Variants in KLHL29 observed in about 807,000 individuals in gnomAD.
The protein encoded by KLHL29 is kelch-like protein 29.
In KLHL29, 21 loss-of-function variants were observed where a neutral mutation model predicts 80.4. That is an observed-to-expected ratio of 0.26 (90% CI 0.19 to 0.38). The LOEUF (loss-of-function observed/expected upper bound fraction) is 0.38. Ranked by LOEUF, KLHL29 falls within the 10% of genes least tolerant of loss-of-function variation. The pLI, the probability that KLHL29 is intolerant of heterozygous loss-of-function variation, is 1.00. For synonymous variants in KLHL29, 511 were observed against 526.8 expected (o/e 0.97, Z 0.41); for missense variants, 867 against 1,223.9 (o/e 0.71, Z 4.35).
chr2:23,607,017 C>G (rs1163020210), intron 3 of KLHL29, among the ~76,000 whole-genome samples: 2 of 152,244 alleles, frequency 1.3e-5, no homozygotes, highest in Non-Finnish European at 2.9e-5. Context: ...GGGGCAAGCT[C>G]TGGTCTCATG....
At chr2:23,657,470 T>G (rs961840693) in intron 5 of KLHL29, among the ~76,000 whole-genome samples, 8 of 152,168 alleles carry the variant, frequency 5.3e-5, no homozygotes, top group Non-Finnish European at 7.3e-5. Flanking sequence ...CATAAAGAAA[T>G]AATTGCAGTC....
intron 2 of KLHL29, among the ~76,000 whole-genome samples, chr2:23,501,168 A>G (rs563404348): frequency 6.6e-5 from 10 of 152,222 alleles, no homozygotes; most frequent in East Asian, 5.8e-4. Flanking sequence ...CCGGACTCCA[A>G]TCAGAAATCC....
chr2:23,483,895 A>G (rs1664861633), intron 2 of KLHL29, among the ~76,000 whole-genome samples: 1 of 152,128 alleles, frequency 6.6e-6, no homozygotes, highest in Non-Finnish European at 1.5e-5. Context: ...TTTGAAGCCT[A>G]AAAAGCTCTC....
At chr2:23,452,771 A>G (rs959590475) in intron 1 of KLHL29, among the ~76,000 whole-genome samples, 1 of 152,106 alleles carries the variant, frequency 6.6e-6, no homozygotes, top group African/African-American at 2.4e-5. Context: ...ACCAGATAAA[A>G]TAAAGAAAAA....
At chr2:23,555,539 A>G (rs1014176524) in intron 2 of KLHL29, among the ~76,000 whole-genome samples, 2 of 152,180 alleles carry the variant, frequency 1.3e-5, no homozygotes, top group Non-Finnish European at 2.9e-5. Flanking sequence ...CCATGTGCCA[A>G]CAGGAAAGGA....
intron 5 of KLHL29, among the ~76,000 whole-genome samples, chr2:23,654,703 G>C (rs553374138): frequency 2.0e-4 from 22 of 111,880 alleles, no homozygotes; most frequent in African/African-American, 5.8e-4. Context: ...GGTTGGGGGG[G>C]GGGGGTGGAT....
chr2:23,662,428 A>G (rs1428829814), intron 5 of KLHL29, among the ~76,000 whole-genome samples: 3 of 152,166 alleles, frequency 2.0e-5, no homozygotes, highest in Non-Finnish European at 4.4e-5. Flanking sequence ...TTGTTTGTTG[A>G]TCAATAGATG....
chr2:23,631,216 C>A (rs575759656), intron 3 of KLHL29, among the ~76,000 whole-genome samples: 3 of 152,196 alleles, frequency 2.0e-5, no homozygotes, highest in Non-Finnish European at 2.9e-5. Flanking sequence ...TGCCCCATCA[C>A]GTCCTCTGCC....
intron 2 of KLHL29, among the ~76,000 whole-genome samples, chr2:23,548,996 A>G (rs1667055377): frequency 6.6e-6 from 1 of 152,112 alleles, no homozygotes. Flanking sequence ...CTGCCTCCCC[A>G]AGCTGCTGGG....
intron 3 of KLHL29, among the ~76,000 whole-genome samples, chr2:23,570,537 C>A (rs1379287547): frequency 1.3e-5 from 2 of 152,256 alleles, no homozygotes; most frequent in African/African-American, 4.8e-5. Flanking sequence ...CCTTCCTTTG[C>A]CCTTAGAGGG....
At chr2:23,439,400 G>A (rs1187402803) in intron 1 of KLHL29, among the ~76,000 whole-genome samples, 4 of 151,646 alleles carry the variant, frequency 2.6e-5, no homozygotes, top group Non-Finnish European at 5.9e-5. Flanking sequence ...TAATTGTGAT[G>A]TTAGGGTGTC....
At chr2:23,398,600 C>T (rs1355888082) in intron 1 of KLHL29, among the ~76,000 whole-genome samples, 1 of 152,276 alleles carries the variant, frequency 6.6e-6, no homozygotes, top group Non-Finnish European at 1.5e-5. Context: ...GATCCCCATA[C>T]TGTCAGCCGT....
At chr2:23,398,307 C>T (rs2103386782) in intron 1 of KLHL29, among the ~76,000 whole-genome samples, 1 of 152,328 alleles carries the variant, frequency 6.6e-6, no homozygotes, top group African/African-American at 2.4e-5. Context: ...TTGACACACG[C>T]TATAGCGTGG....
chr2:23,644,173 C>T (rs968053496), intron 5 of KLHL29: 1 of 152,068 alleles, frequency 6.6e-6, no homozygotes, highest in African/African-American at 2.4e-5. Context: ...TAGAAAATTA[C>T]ATCTAAATTC....
At chr2:23,597,309 ATGTGTGTGTGTG>A (rs1217422868) in intron 3 of KLHL29, among the ~76,000 whole-genome samples, 31 of 100,518 alleles carry the variant, frequency 3.1e-4, no homozygotes, top group Admixed American at 1.7e-3. Context: ...ATATATATAT[ATGTGTGTGTGTG>A]TGTGTGTGTG....
chr2:23,562,516 A>G lies in KLHL29; in HGVS notation c.285+35A>G. ...GGTGTCATCTCTGAGCAGGAGCCGG[A>G]CAGAGGGGCCCTGCCTCCCTGCAGG... On this transcript the variant is annotated intron_variant, in intron 3 of 13. Transcript: ENST00000486442. This position sits in a 1 kb window ranked among gnomAD's most constrained non-coding sequence, Gnocchi z 4.5. 6.5e-7 allele frequency: 1 copy of G among 1,531,070 alleles called. No homozygotes were observed. Among genetic ancestry groups the G allele is most frequent in the Non-Finnish European group, 8.7e-7 (1 of 1,144,720 alleles). 94.8% of individuals were successfully genotyped at this position (1,531,070 alleles called of 1,614,324 possible).
At chr2:23,554,156 G>T (rs13002760) in intron 2 of KLHL29, among the ~76,000 whole-genome samples, 1 of 152,172 alleles carries the variant, frequency 6.6e-6, no homozygotes, top group African/African-American at 2.4e-5. Context: ...ACGTCAAGTC[G>T]TGGCCAAGCC....
rs535233921 is a variant in KLHL29, at chr2:23,625,037, C to T, written c.286-14102C>T. ...ATCCAGACCTGCTGACTTCTGGCCA[C>T]GGCTCTGATCATTATGAAGAAGGGA... On this transcript the variant is annotated intron_variant, in intron 3 of 13. Coordinates refer to ENST00000486442, the MANE Select transcript of KLHL29 (RefSeq NM_052920.2). Among the ~76,000 whole-genome samples the T allele has an allele frequency of 8.5e-5, 13 of 152,336 alleles. No individual in the cohort carries two copies. In the South Asian group the frequency reaches 1.5e-3, roughly 17 times the overall value.
In KLHL29 at chr2:23,695,099, C is replaced by T. The variant is rs903325881; in HGVS notation, c.1543-524C>T. The stretch of plus-strand genomic sequence containing the variant: ...TCAGTGCAGGGTGACAGTTTGAGGC[C>T]GTGGGACATGGGACACCACTGAAAG... On this transcript the variant is annotated intron_variant, in intron 8 of 13. Transcript: ENST00000486442. The surrounding 1 kb of genome is among the most constrained non-coding windows in gnomAD (Gnocchi z 7.6). Among the ~76,000 whole-genome samples, 6 of 152,162 alleles carry T rather than the reference C, an allele frequency of 3.9e-5. No individual in the cohort carries two copies. The highest frequency in any genetic ancestry group is 2.6e-4 in the Admixed American group (4 of 15,296).
Sources: allele counts gnomAD v4.1 joint callset (sites outside exome capture counted in the v4.1 genomes callset), GRCh38; gene constraint gnomAD v4.1.1; non-coding constraint Gnocchi (gnomAD v3.1); transcripts MANE v1.5; gene names NCBI Gene and HGNC (gene_info 2026-07-23, HGNC 2026-07-21).